Variants in CNBD1 observed in about 807,000 individuals in gnomAD.
CNBD1 encodes cyclic nucleotide-binding domain-containing protein 1.
CNBD1 carries 71 observed loss-of-function variants against 54.4 expected under a neutral mutation model. The observed-to-expected ratio is 1.30, with a 90% confidence interval of 1.08 to 1.59. The LOEUF (loss-of-function observed/expected upper bound fraction) is 1.59, where lower values mean the gene tolerates loss of function less well. Ranked by LOEUF, CNBD1 falls within the 40% of genes most tolerant of loss-of-function variation. The pLI, the probability that CNBD1 is intolerant of heterozygous loss-of-function variation, is 0.00. For synonymous variants in CNBD1, 182 were observed against 170.7 expected (o/e 1.07, Z -0.51); for missense variants, 659 against 518.0 (o/e 1.27, Z -2.64).
At chr8:87,078,703 G>A (rs1158671859) in intron 4 of CNBD1, among the ~76,000 whole-genome samples, 1 of 152,090 alleles carries the variant, frequency 6.6e-6, no homozygotes, top group Admixed American at 6.5e-5. Flanking sequence ...AGCATCACAG[G>A]AAAAGAAAAT....
At chr8:87,164,536 C>A (rs535052379) in intron 4 of CNBD1, among the ~76,000 whole-genome samples, 2 of 151,674 alleles carry the variant, frequency 1.3e-5, no homozygotes, top group Non-Finnish European at 3.0e-5. Context: ...TTCTATTTTT[C>A]TAGAAATGTA....
At chr8:87,240,125 T>C (rs1051448231) in intron 6 of CNBD1, among the ~76,000 whole-genome samples, 10 of 151,704 alleles carry the variant, frequency 6.6e-5, no homozygotes, top group African/African-American at 2.2e-4. Context: ...TGCACTTCTA[T>C]ATTTCATATT....
intron 4 of CNBD1, among the ~76,000 whole-genome samples, chr8:87,024,826 G>C (rs1236989999): frequency 6.6e-6 from 1 of 151,982 alleles, no homozygotes; most frequent in Non-Finnish European, 1.5e-5. Context: ...TTTTTGATTG[G>C]TGCTTTACTA....
intron 4 of CNBD1, among the ~76,000 whole-genome samples, chr8:86,958,692 C>A (rs1255210004): frequency 6.6e-6 from 1 of 152,046 alleles, no homozygotes; most frequent in African/African-American, 2.4e-5. Context: ...TAAATCTTCC[C>A]CCATCCCTTT....
At chr8:87,417,087 G>A (rs2130989969) in intron 2 of CNBD1, among the ~76,000 whole-genome samples, 1 of 152,092 alleles carries the variant, frequency 6.6e-6, no homozygotes, top group South Asian at 2.1e-4. Flanking sequence ...ATGCGTTTAA[G>A]AAAGACATAC....
chr8:86,918,136 G>A (rs1809216114), intron 3 of CNBD1, among the ~76,000 whole-genome samples: 1 of 152,102 alleles, frequency 6.6e-6, no homozygotes, highest in Non-Finnish European at 1.5e-5. Flanking sequence ...AAGCTGCAGA[G>A]GATACTGTCT....
intron 10 of CNBD1, among the ~76,000 whole-genome samples, chr8:87,367,890 G>A (rs917474490): frequency 6.6e-6 from 1 of 152,066 alleles, no homozygotes; most frequent in Non-Finnish European, 1.5e-5. Flanking sequence ...AGAATATGTT[G>A]GCCGGGAGTG....
rs1429345222 is a variant in CNBD1 at position 87,351,704 on chromosome 8, TATA to T, written c.1065_1067del (p.Ile356del). On this transcript the variant is annotated inframe_deletion, in exon 9 of 11. Transcript: ENST00000518476. ...TTTCAGTGATAGTGGAAAGTGGAAA[TATA>T]ATTTCTTTTGTGGGTTATATTAACT... is the stretch of plus-strand genomic sequence containing the variant. 1 of 1,523,380 alleles carries T rather than the reference TATA, an allele frequency of 6.6e-7. No individual in the cohort carries two copies. Among genetic ancestry groups the T allele is most frequent in the African/African-American group, 1.4e-5 (1 of 70,706 alleles). The allele number at this position is 1,523,380 out of a possible 1,614,324, so 94.4% of individuals were successfully genotyped here.
chr8:87,325,800 T>G (rs1317481522), intron 8 of CNBD1, among the ~76,000 whole-genome samples: 2 of 149,714 alleles, frequency 1.3e-5, no homozygotes, highest in African/African-American at 5.0e-5. Flanking sequence ...TTAGTCCATT[T>G]ACATTTAAAG....
At chr8:87,401,500 G>C (rs1807563479) in intron 2 of CNBD1, among the ~76,000 whole-genome samples, 1 of 151,998 alleles carries the variant, frequency 6.6e-6, no homozygotes, top group African/African-American at 2.4e-5. Flanking sequence ...GGATCCAATA[G>C]GATATGTGTT....
At chr8:87,197,756 A>C (rs2130791041) in intron 4 of CNBD1, among the ~76,000 whole-genome samples, 1 of 152,358 alleles carries the variant, frequency 6.6e-6, no homozygotes, top group African/African-American at 2.4e-5. Context: ...TTCATTCATC[A>C]AAATGATAAA....
chr8:87,013,793 G>T (rs1809274606), intron 4 of CNBD1, among the ~76,000 whole-genome samples: 1 of 151,218 alleles, frequency 6.6e-6, no homozygotes, highest in African/African-American at 2.4e-5. Context: ...TGTTTAATTG[G>T]CAGTTAAATG....
intron 3 of CNBD1, among the ~76,000 whole-genome samples, chr8:86,916,073 A>G (rs1441402704): frequency 1.3e-5 from 2 of 152,104 alleles, no homozygotes; most frequent in African/African-American, 4.8e-5. Flanking sequence ...GAGCAGGAAA[A>G]ATATTACTTT....
chr8:87,087,857 A>G (rs1811133815), intron 4 of CNBD1, among the ~76,000 whole-genome samples: 2 of 152,296 alleles, frequency 1.3e-5, no homozygotes, highest in South Asian at 4.1e-4. Context: ...CAGATGAGGT[A>G]ATGGAGACCA....
At chr8:86,936,129 C>G (rs752481654) in intron 3 of CNBD1, among the ~76,000 whole-genome samples, 1 of 151,380 alleles carries the variant, frequency 6.6e-6, no homozygotes, top group African/African-American at 2.4e-5. Context: ...ACAAAGATCC[C>G]TTCTCAAAAA....
intron 2 of CNBD1, among the ~76,000 whole-genome samples, chr8:86,902,840 C>G (rs1808958972): frequency 1.3e-5 from 2 of 151,902 alleles, no homozygotes; most frequent in Non-Finnish European, 2.9e-5. Flanking sequence ...TTTCTTTGTC[C>G]CTAGCATGCT....
At chr8:87,370,572 T>C (rs1381311504) in intron 10 of CNBD1, among the ~76,000 whole-genome samples, 1 of 151,974 alleles carries the variant, frequency 6.6e-6, no homozygotes. Context: ...TTTGATGGGG[T>C]TGTTTGTTTT....
chr8:87,046,484 A>G (rs1001301920), intron 4 of CNBD1, among the ~76,000 whole-genome samples: 7 of 152,174 alleles, frequency 4.6e-5, no homozygotes, highest in Non-Finnish European at 7.3e-5. Context: ...TTTAAAAATA[A>G]TAGGTCGGGG....
At chr8:87,016,908 C>T (rs1468495212) in intron 4 of CNBD1, among the ~76,000 whole-genome samples, 1 of 152,166 alleles carries the variant, frequency 6.6e-6, no homozygotes, top group African/African-American at 2.4e-5. Context: ...ATATGCAAGA[C>T]ATGTTGGACT....
Sources: allele counts gnomAD v4.1 joint callset (sites outside exome capture counted in the v4.1 genomes callset), GRCh38; gene constraint gnomAD v4.1.1; transcripts MANE v1.5; gene names NCBI Gene and HGNC (gene_info 2026-07-23, HGNC 2026-07-21).